The following NRBF2 variants were observed in gnomAD, a reference collection of about 807,000 sequenced individuals.
NRBF2 encodes the protein nuclear receptor-binding factor 2.
In NRBF2, 12 loss-of-function variants were observed where a neutral mutation model predicts 28.5. The observed-to-expected ratio is 0.42, with a 90% CI of 0.27 to 0.68. The LOEUF is 0.68. Ranked by LOEUF, NRBF2 falls within the 30% of genes least tolerant of loss-of-function variation. The pLI is 0.24. For missense variants in NRBF2, 274 were observed against 333.5 expected (o/e 0.82, Z 1.39); for synonymous variants, 102 against 116.5 (o/e 0.88, Z 0.80).
chr10:63,134,080 A>G (rs1223851639), intron 1 of NRBF2, among the ~76,000 whole-genome samples: 1 of 150,654 alleles, frequency 6.6e-6, no homozygotes, highest in African/African-American at 2.4e-5. Flanking sequence ...CGTCTTCCAA[A>G]TATATTAGAG....
chr10:63,146,507 T>A (rs976853351), intron 2 of NRBF2, among the ~76,000 whole-genome samples: 12 of 152,216 alleles, frequency 7.9e-5, no homozygotes, highest in African/African-American at 2.9e-4. Context: ...TGGTAAACAG[T>A]TCCTGGATAC....
intron 1 of NRBF2, among the ~76,000 whole-genome samples, chr10:63,135,710 G>C (rs1841365106): frequency 6.7e-6 from 1 of 149,680 alleles, no homozygotes; most frequent in Admixed American, 6.7e-5. Flanking sequence ...GCAGTGGCGC[G>C]ATCTCAGCTC....
Position 63,152,112 on chromosome 10 carries a change from A to G in NRBF2, c.116-38A>G, listed in dbSNP as rs538833971. The G allele has an allele frequency of 2.7e-5, 41 of 1,509,500 alleles. No homozygotes were observed. The African/African-American group carries it at 4.9e-4, about 18-fold the overall frequency. The allele number at this position is 1,509,500 out of a possible 1,614,324, so 93.5% of individuals were successfully genotyped here. On this transcript the variant is annotated intron_variant, in intron 2 of 3. Coordinates refer to ENST00000277746, the MANE Select transcript of NRBF2 (RefSeq NM_030759.5). ...CCTTTTACCTGTTAATTACAAAATGAAGACACATATTAACATGCCTATTTT... is the reference window on the plus strand; with the variant it reads ...CCTTTTACCTGTTAATTACAAAATGGAGACACATATTAACATGCCTATTTT...
chr10:63,152,861 GTGGCACATGCCTGTAGTTCTAGCTACT>G (rs1841670574), intron 3 of NRBF2, among the ~76,000 whole-genome samples: 1 of 152,194 alleles, frequency 6.6e-6, no homozygotes, highest in African/African-American at 2.4e-5. Context: ...GCTGGGCGTG[GTGGCACATGCCTGTAGTTCTAGCTACT>G]TGGGAGGTTG....
chr10:63,149,651 G>A (rs1841615627), intron 2 of NRBF2, among the ~76,000 whole-genome samples: 1 of 152,182 alleles, frequency 6.6e-6, no homozygotes, highest in Non-Finnish European at 1.5e-5. Flanking sequence ...AGATTTAAAT[G>A]TGGGGAATAC....
At chr10:63,145,420 G>A (rs1416220379) in intron 1 of NRBF2, among the ~76,000 whole-genome samples, 3 of 151,976 alleles carry the variant, frequency 2.0e-5, no homozygotes, top group Non-Finnish European at 4.4e-5. Context: ...TGTTGGCCAG[G>A]CTGGTCTTGA....
rs770968374 is a variant in NRBF2 at position 63,133,329 on chromosome 10, C to T, written c.-142C>T. 41 of 964,888 alleles carry T rather than the reference C, an allele frequency of 4.2e-5. No individual in the cohort carries two copies. The highest frequency in any genetic ancestry group is 5.8e-5 in the Non-Finnish European group (37 of 635,964). 59.8% of individuals were successfully genotyped at this position (964,888 alleles called of 1,614,324 possible). A position where few individuals can be genotyped will look rare whatever the true frequency, so the allele number is the denominator to read the frequency against. On this transcript the variant is annotated 5_prime_UTR_variant, in exon 1 of 4. Transcript: ENST00000277746. ...GGAGGAGGAAGTGGTGAGGTTGTTG[C>T]TCCTTCAGCGCCTATCGCTGGCTCT... is the stretch of plus-strand genomic sequence containing the variant.
intron 1 of NRBF2, among the ~76,000 whole-genome samples, chr10:63,140,579 A>G (rs1404361097): frequency 1.3e-5 from 2 of 151,798 alleles, no homozygotes; most frequent in Non-Finnish European, 2.9e-5. Context: ...ACACCCAGCT[A>G]ATTTTTCTAT....
intron 1 of NRBF2, among the ~76,000 whole-genome samples, chr10:63,133,896 G>A (rs1017879934): frequency 6.6e-6 from 1 of 151,896 alleles, no homozygotes; most frequent in Admixed American, 6.6e-5. Flanking sequence ...CTAGCAGCAG[G>A]GTCTGAGTCT....
In NRBF2 at chr10:63,152,214, C is replaced by T. The variant is rs375108020; in HGVS notation, c.156+24C>T. ...AGGTGAGACATATTCCCAATATTTG[C>T]GACAAGGGTTAGAAAGGTTTTCTTG... On this transcript the variant is annotated intron_variant, in intron 3 of 3. Transcript: ENST00000277746. 75 of 1,602,086 alleles carry T rather than the reference C, an allele frequency of 4.7e-5. No individual in the cohort carries two copies. In the African/African-American group the frequency reaches 5.5e-4, roughly 12 times the overall value.
Position 63,133,363 on chromosome 10 carries a change from A to G in NRBF2, c.-108A>G, listed in dbSNP as rs1285415271. ...CGCCTATCGCTGGCTCTTGGGGCGCAGAGAGGGGCCGCAGTCTCCGCGGCT... is the reference window on the plus strand; with the variant it reads ...CGCCTATCGCTGGCTCTTGGGGCGCGGAGAGGGGCCGCAGTCTCCGCGGCT... On this transcript the variant is annotated 5_prime_UTR_variant, in exon 1 of 4. Transcript: ENST00000277746. 1.2e-5 allele frequency: 16 copies of G among 1,316,490 alleles called. No homozygotes were observed. The highest frequency in any genetic ancestry group is 1.6e-5 in the Non-Finnish European group (15 of 933,418). The allele number at this position is 1,316,490 out of a possible 1,614,324, so 81.6% of individuals were successfully genotyped here.
At chr10:63,150,731 A>G (rs968060153) in intron 2 of NRBF2, among the ~76,000 whole-genome samples, 2 of 152,244 alleles carry the variant, frequency 1.3e-5, no homozygotes, top group Non-Finnish European at 2.9e-5. Flanking sequence ...ATAATTATAC[A>G]ACTCAACATA....
At chr10:63,150,140 C>T (rs1305225136) in intron 2 of NRBF2, among the ~76,000 whole-genome samples, 7 of 150,240 alleles carry the variant, frequency 4.7e-5, no homozygotes, top group South Asian at 4.2e-4. Flanking sequence ...TTAGTAGAGA[C>T]GGGGTTTCAC....
intron 2 of NRBF2, among the ~76,000 whole-genome samples, chr10:63,151,198 G>A (rs1012058064): frequency 4.6e-5 from 7 of 152,312 alleles, no homozygotes; most frequent in South Asian, 2.1e-4. Flanking sequence ...GCAATGCCTC[G>A]TAGTATCTGC....
At chr10:63,138,181 T>G (rs915013652) in intron 1 of NRBF2, among the ~76,000 whole-genome samples, 1 of 149,902 alleles carries the variant, frequency 6.7e-6, no homozygotes, top group South Asian at 2.1e-4. Flanking sequence ...GGTGTGGTGG[T>G]GGGTGCCTGT....
chr10:63,136,793 A>T (rs1369466028), intron 1 of NRBF2, among the ~76,000 whole-genome samples: 1 of 152,124 alleles, frequency 6.6e-6, no homozygotes, highest in Non-Finnish European at 1.5e-5. Context: ...TCCAGTATTG[A>T]TTCTTTTATG....
At position 63,154,279 on chromosome 10, in the gene NRBF2, A is replaced by G; in HGVS notation, c.*61A>G. The G allele has an allele frequency of 1.8e-6, 2 of 1,091,494 alleles. No homozygotes were observed. Among genetic ancestry groups the G allele is most frequent in the South Asian group, 3.1e-5 (2 of 64,514 alleles). 67.6% of individuals were successfully genotyped at this position (1,091,494 alleles called of 1,614,324 possible). On this transcript the variant is annotated 3_prime_UTR_variant, in exon 4 of 4. Transcript: ENST00000277746. ...AATACAGTAATCGTTAATCCAGCAA[A>G]AAGAAATGAAAAGGGAAAACCACAT...
At chr10:63,141,105 C>T (rs898601589) in intron 1 of NRBF2, among the ~76,000 whole-genome samples, 1 of 152,110 alleles carries the variant, frequency 6.6e-6, no homozygotes, top group Non-Finnish European at 1.5e-5. Context: ...ATGAGAAGCA[C>T]CACCAAGATA....
chr10:63,153,333 A>G (rs1438231077), intron 3 of NRBF2, among the ~76,000 whole-genome samples, 178 bp from the exon 4 acceptor site: 4 of 152,218 alleles, frequency 2.6e-5, no homozygotes, highest in East Asian at 1.9e-4. Context: ...AAAACATCCA[A>G]TTTAGTGTAT....
Sources: allele counts gnomAD v4.1 joint callset (sites outside exome capture counted in the v4.1 genomes callset), GRCh38; gene constraint gnomAD v4.1.1; transcripts MANE v1.5; gene names NCBI Gene and HGNC (gene_info 2026-07-23, HGNC 2026-07-21).